HDX: variants seen among roughly 807,000 people sequenced by gnomAD.
HDX encodes the protein highly divergent homeobox, also known as chromosome X open reading frame 43.
Under a neutral mutation model 45.2 loss-of-function variants are expected in HDX, and 19 were observed. The observed-to-expected ratio is 0.42, with a 90% CI of 0.29 to 0.62. HDX has a LOEUF of 0.62. Among genes scored for constraint, HDX ranks in the 20% least tolerant of loss-of-function variants. The pLI is 0.20. For synonymous variants in HDX, 188 were observed against 172.8 expected (o/e 1.09, Z -0.69); for missense variants, 532 against 493.9 (o/e 1.08, Z -0.73).
At chrX:84,451,691 C>T (rs2040001489) in intron 4 of HDX, among the ~76,000 whole-genome samples, 2 of 110,630 alleles carry the variant, frequency 1.8e-5, no homozygotes, top group South Asian at 7.6e-4. Flanking sequence ...CCAGCATTAC[C>T]CTGATACCAA....
At chrX:84,407,079 T>C (rs1233734729) in intron 5 of HDX, among the ~76,000 whole-genome samples, 1 of 111,536 alleles carries the variant, frequency 9.0e-6, no homozygotes, top group Admixed American at 9.6e-5. Flanking sequence ...TTATTTTAGG[T>C]CAAGAGTACC....
intron 5 of HDX, among the ~76,000 whole-genome samples, chrX:84,391,767 T>A (rs2038448843): frequency 9.0e-6 from 1 of 111,623 alleles, no homozygotes; most frequent in Non-Finnish European, 1.9e-5. Flanking sequence ...GCCTAGATTA[T>A]TTGCCCAATT....
At chrX:84,344,519 G>A in intron 6 of HDX, 62 bp from the exon 7 acceptor site, 1 of 730,454 alleles carries the variant, frequency 1.4e-6, no homozygotes. Context: ...GTTCTAGCCA[G>A]TAAAATAATG....
chrX:84,454,295 G>A (rs768837910), intron 4 of HDX, among the ~76,000 whole-genome samples: 1 of 111,613 alleles, frequency 9.0e-6, no homozygotes, highest in Non-Finnish European at 1.9e-5. Context: ...TCCAGGGCTT[G>A]GCTCTTGGAT....
At chrX:84,352,826 C>A (rs1201389318) in intron 6 of HDX, among the ~76,000 whole-genome samples, 1 of 111,697 alleles carries the variant, frequency 9.0e-6, no homozygotes, top group African/African-American at 3.2e-5. Context: ...ATGAACACAA[C>A]AAATTGTAAA....
intron 7 of HDX, among the ~76,000 whole-genome samples, chrX:84,338,815 C>T (rs2037022869): frequency 9.0e-6 from 1 of 110,595 alleles, no homozygotes; most frequent in South Asian, 3.8e-4. Flanking sequence ...GGTAGATTTC[C>T]CTTTTGATGC....
intron 9 of HDX, among the ~76,000 whole-genome samples, chrX:84,329,016 T>G (rs753432813): frequency 8.9e-6 from 1 of 112,073 alleles, no homozygotes. Flanking sequence ...ATTCAAAGAT[T>G]TTCTCATTGT....
At chrX:84,346,816 C>T (rs139910637) in intron 6 of HDX, among the ~76,000 whole-genome samples, 1,373 of 111,296 alleles carry the variant, frequency 0.012, 20 homozygotes, top group African/African-American at 0.042. Flanking sequence ...ATCTTTGGGG[C>T]TTCAGGATTA....
At chrX:84,372,549 A>T (rs2037921876) in intron 5 of HDX, among the ~76,000 whole-genome samples, 1 of 111,923 alleles carries the variant, frequency 8.9e-6, no homozygotes. Flanking sequence ...TAAGTTTGAA[A>T]CCTGCTAGAG....
At chrX:84,456,803 G>A (rs1030772084) in intron 4 of HDX, among the ~76,000 whole-genome samples, 1 of 111,727 alleles carries the variant, frequency 9.0e-6, no homozygotes, top group African/African-American at 3.2e-5. Flanking sequence ...ATAATGAAAA[G>A]GGGTCAAAAC....
chrX:84,340,793 G>A (rs960550452), intron 7 of HDX, among the ~76,000 whole-genome samples: 14 of 110,910 alleles, frequency 1.3e-4, no homozygotes, highest in East Asian at 1.1e-3. Flanking sequence ...ATGCAGCTGT[G>A]GAAAGATAAG....
intron 5 of HDX, among the ~76,000 whole-genome samples, chrX:84,369,119 T>C (rs1325916117): frequency 9.0e-6 from 1 of 111,378 alleles, no homozygotes; most frequent in Non-Finnish European, 1.9e-5. Flanking sequence ...CTATTAAACC[T>C]TCCTTAGCTT....
chrX:84,475,302 C>G lies in HDX; in HGVS notation c.96G>C (p.Gln32His), dbSNP rs2040524893. The change falls in exon 3 of 11, where the codon CAG becomes CAC. Residue 32 changes from glutamine to histidine, a missense_variant. Coordinates refer to ENST00000373177, the MANE Select transcript of HDX (RefSeq NM_001177479.2). ...TCTCCTGTGCACACTGTAATATGAG[C>G]TGAAAGCAATTTTTACTTTGATTTG... Reference protein sequence around the residue: ...GMTNQSKNCFQLILQCAQETK... With the variant: ...GMTNQSKNCFHLILQCAQETK... The G allele has an allele frequency of 8.4e-7, 1 of 1,195,825 alleles. No individual in the cohort carries two copies. The highest frequency in any genetic ancestry group is 2.3e-5 in the Admixed American group (1 of 44,416).
intron 5 of HDX, among the ~76,000 whole-genome samples, chrX:84,437,455 G>A (rs1048439588): frequency 5.4e-5 from 6 of 111,232 alleles, no homozygotes; most frequent in African/African-American, 2.0e-4. Context: ...TTTGCAGGCA[G>A]TCACCAGGTT....
intron 5 of HDX, among the ~76,000 whole-genome samples, chrX:84,406,202 C>G (rs769473573): frequency 8.1e-5 from 9 of 110,733 alleles, no homozygotes; most frequent in Non-Finnish European, 1.3e-4. Context: ...ATAACTATAT[C>G]AATAAATGTT....
intron 1 of HDX, among the ~76,000 whole-genome samples, chrX:84,495,770 C>CCT (rs755499665): frequency 9.9e-5 from 11 of 111,193 alleles, no homozygotes; most frequent in Non-Finnish European, 2.1e-4. Flanking sequence ...TTGGGGGTAG[C>CCT]CTCTAAAAGT....
chrX:84,382,977 CTACT>C (rs778707564), intron 5 of HDX, among the ~76,000 whole-genome samples: 26 of 110,882 alleles, frequency 2.3e-4, no homozygotes, highest in African/African-American at 8.2e-4. Context: ...ATATATATAC[CTACT>C]ATGTACCCTC....
intron 2 of HDX, among the ~76,000 whole-genome samples, chrX:84,480,591 T>A (rs1602535815): frequency 4.5e-5 from 5 of 111,318 alleles, no homozygotes; most frequent in African/African-American, 1.6e-4. Context: ...TGAATTTTGT[T>A]AAATGCTTTT....
At chrX:84,378,422 A>C (rs1275214043) in intron 5 of HDX, among the ~76,000 whole-genome samples, 1 of 111,822 alleles carries the variant, frequency 8.9e-6, no homozygotes, top group Admixed American at 9.5e-5. Context: ...TGATAAACCG[A>C]TCAAAAATAA....
Sources: gnomAD v4.1 joint callset for allele counts (sites outside exome capture counted in the v4.1 genomes callset) on GRCh38, gnomAD v4.1.1 for gene constraint, MANE v1.5 for transcripts, NCBI Gene and HGNC (gene_info 2026-07-23, HGNC 2026-07-21) for gene names.